The following KCNQ1 variants were observed in gnomAD, a reference collection of about 807,000 sequenced individuals.
KCNQ1 encodes potassium voltage-gated channel subfamily Q member 1.
A neutral mutation model predicts 72.4 loss-of-function variants in KCNQ1; 49 were observed. The ratio of observed to expected loss-of-function variants is 0.68; its 90% CI spans 0.54 to 0.86. The LOEUF (loss-of-function observed/expected upper bound fraction) is 0.86, where lower values mean the gene tolerates loss of function less well. Among genes scored for constraint, KCNQ1 ranks in the 40% least tolerant of loss-of-function variants. The probability of loss-of-function intolerance (pLI) is 0.00; values close to 1 mark genes in which losing one functional copy is unlikely to be tolerated. For synonymous variants in KCNQ1, 450 were observed against 412.6 expected, an observed-to-expected ratio of 1.09 and a Z score of -1.10; for missense variants, 790 against 945.1, an observed-to-expected ratio of 0.84 and a Z score of 2.15.
In KCNQ1 at chr11:2,827,885, C is replaced by T. The variant is rs772680253; in HGVS notation, c.1795-19882C>T. On this transcript the variant is annotated intron_variant, in intron 15 of 15. Transcript: ENST00000155840. This position sits in a 1 kb window ranked among gnomAD's most constrained non-coding sequence, Gnocchi z 6.7. Reference sequence around the variant, plus strand: ...AGCGAGAGCTTTGTTTGGGGTGTGTCGAATTCAAGATGCCTCTGAGACATG... The same window carrying T: ...AGCGAGAGCTTTGTTTGGGGTGTGTTGAATTCAAGATGCCTCTGAGACATG... Among the ~76,000 whole-genome samples, 1 of 152,122 alleles carries T rather than the reference C, an allele frequency of 6.6e-6. No homozygotes were observed. Among genetic ancestry groups the T allele is most frequent in the Non-Finnish European group, 1.5e-5 (1 of 68,036 alleles).
chr11:2,487,769 C>A (rs1846766004), intron 1 of KCNQ1, among the ~76,000 whole-genome samples: 1 of 152,080 alleles, frequency 6.6e-6, no homozygotes, highest in Non-Finnish European at 1.5e-5. Context: ...TTTGTGGAAT[C>A]TTTAGGGGTT....
At chr11:2,552,552 C>G (rs971888111) in intron 2 of KCNQ1, among the ~76,000 whole-genome samples, 19 of 152,174 alleles carry the variant, frequency 1.2e-4, no homozygotes, top group Non-Finnish European at 2.5e-4. Context: ...TTCACATTCT[C>G]ATGAATATCT....
At position 2,668,898 on chromosome 11, in the gene KCNQ1, T is replaced by C. The variant is rs1466706949; in HGVS notation, c.1514+6817T>C. 3 of 398,536 alleles carry C rather than the reference T, an allele frequency of 7.5e-6. No homozygotes were observed. The highest frequency in any genetic ancestry group is 1.3e-5 in the Non-Finnish European group (3 of 226,074). 24.7% of individuals were successfully genotyped at this position (398,536 alleles called of 1,614,324 possible). ...CTACTCCAAGGTCATAAAGATATTCTGGTTTATTCTAAAGCTTTATTAGCT... is the reference window on the plus strand; with the variant it reads ...CTACTCCAAGGTCATAAAGATATTCCGGTTTATTCTAAAGCTTTATTAGCT... On this transcript the variant is annotated intron_variant, in intron 11 of 15. Coordinates refer to ENST00000155840, the MANE Select transcript of KCNQ1 (RefSeq NM_000218.3). The surrounding 1 kb of genome is among the most constrained non-coding windows in gnomAD (Gnocchi z 4.3).
At position 2,623,309 on chromosome 11, in the gene KCNQ1, T is replaced by A; in HGVS notation, c.1393+34455T>A. ...AGTCTCAGGTAGTTCTTTATAGCAC[T>A]GTGAGAACGGACTAATATGCATGTA... On this transcript the variant is annotated intron_variant, in intron 10 of 15. Coordinates refer to ENST00000155840, the MANE Select transcript of KCNQ1 (RefSeq NM_000218.3). The surrounding 1 kb of genome is among the most constrained non-coding windows in gnomAD (Gnocchi z 5.2). The A allele has an allele frequency of 2.5e-6, 1 of 398,802 alleles. No homozygotes were observed. Among genetic ancestry groups the A allele is most frequent in the Non-Finnish European group, 4.4e-6 (1 of 226,102 alleles). 24.7% of individuals were successfully genotyped at this position (398,802 alleles called of 1,614,324 possible). A position where few individuals can be genotyped will look rare whatever the true frequency, so the allele number is the denominator to read the frequency against.
At chr11:2,721,918 C>T (rs1851210042) in intron 11 of KCNQ1, among the ~76,000 whole-genome samples, 2 of 152,224 alleles carry the variant, frequency 1.3e-5, no homozygotes, top group African/African-American at 4.8e-5. Context: ...CTCATTGGGA[C>T]TTCCAGTGAG....
Position 2,477,808 on chromosome 11 carries a change from G to T in KCNQ1, c.386+32324G>T, listed in dbSNP as rs909146769. Among the ~76,000 whole-genome samples, 2 of 150,208 alleles carry T rather than the reference G, an allele frequency of 1.3e-5. No individual in the cohort carries two copies. The highest frequency in any genetic ancestry group is 3.0e-5 in the Non-Finnish European group (2 of 67,686). On this transcript the variant is annotated intron_variant, in intron 1 of 15. Transcript: ENST00000155840. The surrounding 1 kb of genome is among the most constrained non-coding windows in gnomAD (Gnocchi z 5.0). ...TAATGGATTATAATTCATGAAAAAA[G>T]AATCTATGCATCCACAGGGACACAC...
chr11:2,597,530 C>G (rs1448505544), intron 10 of KCNQ1, among the ~76,000 whole-genome samples: 3 of 152,198 alleles, frequency 2.0e-5, no homozygotes, highest in Non-Finnish European at 4.4e-5. Context: ...TCCCTGATAT[C>G]TGATCCTAGA....
At chr11:2,453,409 T>C (rs187006728) in intron 1 of KCNQ1, among the ~76,000 whole-genome samples, 50 of 9,778 alleles carry the variant, frequency 5.1e-3, no homozygotes, top group East Asian at 0.045. Flanking sequence ...AAACAGCCAA[T>C]TGCCAGGCTG....
At chr11:2,685,653 C>CAGGTACCAGAAGTTCAG (rs1850475241) in intron 11 of KCNQ1, 1 of 398,578 alleles carries the variant, frequency 2.5e-6, no homozygotes, top group Non-Finnish European at 4.4e-6. Context: ...CAAGCCCACA[C>CAGGTACCAGAAGTTCAG]AGGTACCAGA....
At position 2,506,809 on chromosome 11, in the gene KCNQ1, T is replaced by A. The variant is rs115110657; in HGVS notation, c.387-21119T>A. ...GTCCATAGCTTTGTTTTAATCTGTA[T>A]TTCTGTAATTACATTGAATTTGAAT... On this transcript the variant is annotated intron_variant, in intron 1 of 15. Transcript: ENST00000155840. Among the ~76,000 whole-genome samples the A allele has an allele frequency of 5.7e-3, 874 of 152,360 alleles. 10 individuals are homozygous for A. Among genetic ancestry groups the A allele is most frequent in the African/African-American group, 0.02 (844 of 41,582 alleles).
rs1846464656 is a variant in KCNQ1 at position 2,764,743 on chromosome 11, T to C, written c.1515-4101T>C. Among the ~76,000 whole-genome samples, 1 of 152,228 alleles carries C rather than the reference T, an allele frequency of 6.6e-6. No individual in the cohort carries two copies. The highest frequency in any genetic ancestry group is 2.1e-4 in the South Asian group (1 of 4,836). The stretch of plus-strand genomic sequence containing the variant: ...TTTGTGTCTACTTTTACATACTGTG[T>C]TTTTAAATAATTTGTATATTTTATC... On this transcript the variant is annotated intron_variant, in intron 11 of 15. Coordinates refer to ENST00000155840, the MANE Select transcript of KCNQ1 (RefSeq NM_000218.3). This position sits in a 1 kb window ranked among gnomAD's most constrained non-coding sequence, Gnocchi z 4.8.
intron 10 of KCNQ1, chr11:2,640,838 C>G (rs1359927632): frequency 5.0e-6 from 2 of 399,062 alleles, no homozygotes; most frequent in Non-Finnish European, 8.8e-6. Flanking sequence ...CCAGACATAC[C>G]TTTCACAGCC....
rs1848987848 is a variant in KCNQ1, at chr11:2,612,169, A to C, written c.1393+23315A>C. On this transcript the variant is annotated intron_variant, in intron 10 of 15. Transcript: ENST00000155840. The surrounding 1 kb of genome is among the most constrained non-coding windows in gnomAD (Gnocchi z 5.5). The stretch of plus-strand genomic sequence containing the variant: ...ATTAGAAACTGGGCTACACAGCAGG[A>C]GGTGAGCAGCAGGCAAGCAAGCATT... 1 of 398,652 alleles carries C rather than the reference A, an allele frequency of 2.5e-6. No homozygotes were observed. Among genetic ancestry groups the C allele is most frequent in the Admixed American group, 4.4e-5 (1 of 22,732 alleles). 24.7% of individuals were successfully genotyped at this position (398,652 alleles called of 1,614,324 possible). A position where few individuals can be genotyped will look rare whatever the true frequency, so the allele number is the denominator to read the frequency against.
At chr11:2,838,067 G>C (rs1045719807) in intron 15 of KCNQ1, among the ~76,000 whole-genome samples, 1 of 152,194 alleles carries the variant, frequency 6.6e-6, no homozygotes, top group African/African-American at 2.4e-5. Flanking sequence ...GCCCAGAAAC[G>C]TCCCGTCCCA....
intron 15 of KCNQ1, among the ~76,000 whole-genome samples, chr11:2,822,442 C>T (rs1282691439): frequency 6.6e-6 from 1 of 152,142 alleles, no homozygotes; most frequent in Non-Finnish European, 1.5e-5. Flanking sequence ...AGATATTAGG[C>T]CATTATGGCA....
At chr11:2,656,381 T>C (rs2133849276) in intron 10 of KCNQ1, 2 of 398,674 alleles carry the variant, frequency 5.0e-6, no homozygotes, top group Non-Finnish European at 4.4e-6. Flanking sequence ...CCCTGGTCTC[T>C]CTAAGGATGT....
At position 2,481,416 on chromosome 11, in the gene KCNQ1, TACAC is replaced by T. The variant is rs962021419; in HGVS notation, c.386+35938_386+35941del. On this transcript the variant is annotated intron_variant, in intron 1 of 15. Coordinates refer to ENST00000155840, the MANE Select transcript of KCNQ1 (RefSeq NM_000218.3). The surrounding 1 kb of genome is among the most constrained non-coding windows in gnomAD (Gnocchi z 4.6). ...TCTTTGTGTGTGTGTTAAGGGCGTG[TACAC>T]ACACAGTGCAGTCAGGAGTGAGTTG... Among the ~76,000 whole-genome samples, 1 of 152,180 alleles carries T rather than the reference TACAC, an allele frequency of 6.6e-6. No homozygotes were observed. The highest frequency in any genetic ancestry group is 1.5e-5 in the Non-Finnish European group (1 of 68,032).
rs1850016652 is a variant in KCNQ1, at chr11:2,663,974, C to T, written c.1514+1893C>T. The T allele has an allele frequency of 1.0e-5, 4 of 398,596 alleles. No homozygotes were observed. The Admixed American group carries it at 1.3e-4, about 13-fold the overall frequency. 24.7% of individuals were successfully genotyped at this position (398,596 alleles called of 1,614,324 possible). ...GGGCCTGAGAGACCTGAACATCCAT[C>T]CCCAAGCTCTCTGCCCACTTTGGGT... On this transcript the variant is annotated intron_variant, in intron 11 of 15. Coordinates refer to ENST00000155840, the MANE Select transcript of KCNQ1 (RefSeq NM_000218.3). This position sits in a 1 kb window ranked among gnomAD's most constrained non-coding sequence, Gnocchi z 5.2.
rs1850330062 is a variant in KCNQ1, at chr11:2,678,406, T to C, written c.1514+16325T>C. 5.0e-6 allele frequency: 2 copies of C among 398,516 alleles called. No individual in the cohort carries two copies. Among genetic ancestry groups the C allele is most frequent in the Admixed American group, 4.4e-5 (1 of 22,726 alleles). 24.7% of individuals were successfully genotyped at this position (398,516 alleles called of 1,614,324 possible). ...GGTTTCCCATATATTTGTCCAGTTG[T>C]CCAACACTATTTATTTGAGTACATC... On this transcript the variant is annotated intron_variant, in intron 11 of 15. Coordinates refer to ENST00000155840, the MANE Select transcript of KCNQ1 (RefSeq NM_000218.3). This position sits in a 1 kb window ranked among gnomAD's most constrained non-coding sequence, Gnocchi z 4.9.
Sources: allele counts gnomAD v4.1 joint callset (sites outside exome capture counted in the v4.1 genomes callset), GRCh38; gene constraint gnomAD v4.1.1; non-coding constraint Gnocchi (gnomAD v3.1); transcripts MANE v1.5; gene names NCBI Gene and HGNC (gene_info 2026-07-23, HGNC 2026-07-21).